The following CNTN6 variants were observed in gnomAD, a reference collection of about 807,000 sequenced individuals.
CNTN6 encodes contactin 6, also known as contactin-6.
In CNTN6, 137 loss-of-function variants were observed where a neutral mutation model predicts 122.8. That is an observed-to-expected ratio of 1.12 (90% CI 0.97 to 1.29). The LOEUF (loss-of-function observed/expected upper bound fraction) is 1.29. CNTN6 is among the 50% of genes most tolerant of loss of function. The probability of loss-of-function intolerance (pLI) is 0.00; values close to 1 mark genes in which losing one functional copy is unlikely to be tolerated. For synonymous variants in CNTN6, 570 were observed against 426.0 expected, an observed-to-expected ratio of 1.34 and a Z score of -4.16; for missense variants, 1,634 against 1,223.4, an observed-to-expected ratio of 1.34 and a Z score of -5.01.
intron 4 of CNTN6, among the ~76,000 whole-genome samples, chr3:1,261,786 C>A (rs1347316065): frequency 6.6e-6 from 1 of 152,044 alleles, no homozygotes; most frequent in Non-Finnish European, 1.5e-5. Flanking sequence ...TGAGAAAATT[C>A]AAGAAATTAG....
At chr3:1,380,216 G>A (rs155391) in intron 17 of CNTN6, among the ~76,000 whole-genome samples, 107,841 of 152,004 alleles carry the variant, frequency 0.71, 38,664 homozygotes, top group African/African-American at 0.82. Context: ...GTCACAATCT[G>A]CCATTACGTT....
At chr3:1,171,511 A>G (rs937212048) in intron 2 of CNTN6, among the ~76,000 whole-genome samples, 4 of 152,176 alleles carry the variant, frequency 2.6e-5, no homozygotes, top group African/African-American at 9.7e-5. Context: ...GTACTTATAA[A>G]TGCCACTTGT....
At position 1,209,390 on chromosome 3, in the gene CNTN6, G is replaced by T. The variant is rs80196879; in HGVS notation, c.56-11297G>T. Among the ~76,000 whole-genome samples the T allele has an allele frequency of 2.2e-4, 34 of 152,222 alleles. No individual in the cohort carries two copies. In the East Asian group the frequency reaches 6.6e-3, roughly 30 times the overall value. On this transcript the variant is annotated intron_variant, in intron 2 of 22. Transcript: ENST00000446702. ...GAAATAACAAGCATGGCCACTGTCA[G>T]GTGACTGTGCAGCTTCTCTTCTTCA...
At chr3:1,187,530 G>T (rs1249214240) in intron 2 of CNTN6, among the ~76,000 whole-genome samples, 1 of 152,090 alleles carries the variant, frequency 6.6e-6, no homozygotes, top group Non-Finnish European at 1.5e-5. Context: ...CATAAATTCT[G>T]TAGTTTCCCT....
intron 20 of CNTN6, among the ~76,000 whole-genome samples, chr3:1,396,482 T>A (rs1380286795): frequency 6.6e-6 from 1 of 152,154 alleles, no homozygotes; most frequent in Admixed American, 6.5e-5. Context: ...GTGTGCCAGA[T>A]CTAATTATTT....
At chr3:1,281,343 T>A (rs1339472134) in intron 5 of CNTN6, among the ~76,000 whole-genome samples, 1 of 152,156 alleles carries the variant, frequency 6.6e-6, no homozygotes, top group African/African-American at 2.4e-5. Context: ...AACAGAGCAC[T>A]GTAAAGTAAA....
At chr3:1,301,063 G>C (rs1198099126) in intron 7 of CNTN6, among the ~76,000 whole-genome samples, 1 of 113,832 alleles carries the variant, frequency 8.8e-6, no homozygotes, top group Non-Finnish European at 1.6e-5. Context: ...TTGAGACGGA[G>C]TCTAACTCTG....
chr3:1,106,689 C>G (rs1416113939), intron 1 of CNTN6, among the ~76,000 whole-genome samples: 6 of 152,078 alleles, frequency 3.9e-5, no homozygotes, highest in Admixed American at 3.9e-4. Flanking sequence ...TTGACTGTTA[C>G]TTTTATATCA....
chr3:1,200,941 T>G (rs1367654565), intron 2 of CNTN6, among the ~76,000 whole-genome samples: 39 of 151,648 alleles, frequency 2.6e-4, no homozygotes, highest in Admixed American at 2.5e-3. Flanking sequence ...TTCTTTTTTT[T>G]TTTTTCCCAA....
In CNTN6 at chr3:1,147,962, G is replaced by C. The variant is rs748014033; in HGVS notation, c.-47G>C. 2.1e-6 allele frequency: 3 copies of C among 1,428,022 alleles called. No individual in the cohort carries two copies. The highest frequency in any genetic ancestry group is 1.4e-5 in the African/African-American group (1 of 71,244). 88.5% of individuals were successfully genotyped at this position (1,428,022 alleles called of 1,614,324 possible). A position where few individuals can be genotyped will look rare whatever the true frequency, so the allele number is the denominator to read the frequency against. On this transcript the variant is annotated 5_prime_UTR_variant, in exon 2 of 23. Coordinates refer to ENST00000446702, the MANE Select transcript of CNTN6 (RefSeq NM_001289080.2). ...TACTGACTGGAAGATAGACTGTTTT[G>C]TTCCACCTGATTGTATGGGAGAAAT...
intron 2 of CNTN6, among the ~76,000 whole-genome samples, chr3:1,182,679 C>G (rs533635856): frequency 6.6e-6 from 1 of 151,758 alleles, no homozygotes; most frequent in South Asian, 2.1e-4. Flanking sequence ...ATGTATCACA[C>G]ATTTCATATG....
intron 7 of CNTN6, among the ~76,000 whole-genome samples, chr3:1,306,985 A>G (rs1453716425): frequency 6.6e-6 from 1 of 152,200 alleles, no homozygotes; most frequent in Non-Finnish European, 1.5e-5. Flanking sequence ...ATATGTATTG[A>G]ATACCTCATT....
At chr3:1,203,476 G>A (rs570533001) in intron 2 of CNTN6, among the ~76,000 whole-genome samples, 3 of 152,312 alleles carry the variant, frequency 2.0e-5, no homozygotes, top group East Asian at 3.9e-4. Context: ...GGAGAAGTAC[G>A]TGACAGGAAT....
intron 11 of CNTN6, among the ~76,000 whole-genome samples, chr3:1,351,138 T>G (rs1705567190): frequency 6.6e-6 from 1 of 151,954 alleles, no homozygotes; most frequent in Admixed American, 6.6e-5. Context: ...GAATCTGTTA[T>G]TAATAATAAA....
intron 2 of CNTN6, among the ~76,000 whole-genome samples, chr3:1,163,211 C>T (rs897217436): frequency 6.6e-6 from 1 of 152,118 alleles, no homozygotes; most frequent in Non-Finnish European, 1.5e-5. Context: ...TTTATTTATC[C>T]ATCTTATGCT....
chr3:1,295,811 T>A lies in CNTN6; in HGVS notation c.658+7T>A. 3 of 1,610,320 alleles carry A rather than the reference T, an allele frequency of 1.9e-6. No individual in the cohort carries two copies. The highest frequency in any genetic ancestry group is 2.5e-6 in the Non-Finnish European group (3 of 1,176,754). Reference sequence around the variant, plus strand: ...TTAGTGCAGCGCACTGATGGTAAGATAATGAGTTATCTTGGGAATGTACTT... The same window carrying A: ...TTAGTGCAGCGCACTGATGGTAAGAAAATGAGTTATCTTGGGAATGTACTT... On this transcript the variant is annotated splice_region_variant and intron_variant, in intron 6 of 22. Transcript: ENST00000446702.
At chr3:1,241,147 T>C (rs576251257) in intron 4 of CNTN6, among the ~76,000 whole-genome samples, 216 of 152,250 alleles carry the variant, frequency 1.4e-3, no homozygotes, top group Middle Eastern at 6.8e-3. Flanking sequence ...TTTACTTCTT[T>C]TGTGGATCTT....
chr3:1,230,161 AG>A (rs2094336084), intron 4 of CNTN6, among the ~76,000 whole-genome samples: 1 of 152,206 alleles, frequency 6.6e-6, no homozygotes, highest in Non-Finnish European at 1.5e-5. Context: ...CAATTGTGAT[AG>A]AAAAGGCCTT....
chr3:1,358,110 T>G (rs1229315723), intron 12 of CNTN6, among the ~76,000 whole-genome samples: 1 of 151,860 alleles, frequency 6.6e-6, no homozygotes, highest in Non-Finnish European at 1.5e-5. Flanking sequence ...TGTGTATTCT[T>G]TTGTGTTTGG....
Sources: gnomAD v4.1 joint callset for allele counts (sites outside exome capture counted in the v4.1 genomes callset) on GRCh38, gnomAD v4.1.1 for gene constraint, MANE v1.5 for transcripts, NCBI Gene and HGNC (gene_info 2026-07-23, HGNC 2026-07-21) for gene names.